Variants in CUL5 observed in about 807,000 individuals in gnomAD.
The protein encoded by CUL5 is cullin 5, also known as cullin-5.
In CUL5, 26 loss-of-function variants were observed where a neutral mutation model predicts 108.8. The ratio of observed to expected loss-of-function variants is 0.24; its 90% CI spans 0.18 to 0.33. The LOEUF is 0.33. CUL5 is among the 10% of genes least tolerant of loss of function. The probability of loss-of-function intolerance (pLI) is 1.00; values close to 1 mark genes in which losing one functional copy is unlikely to be tolerated. For missense variants in CUL5, 524 were observed against 909.2 expected, an observed-to-expected ratio of 0.58 and a Z score of 5.45; for synonymous variants, 334 against 298.0, an observed-to-expected ratio of 1.12 and a Z score of -1.25.
chr11:108,040,021 A>C (rs1862854430), intron 2 of CUL5, among the ~76,000 whole-genome samples: 1 of 152,226 alleles, frequency 6.6e-6, no homozygotes, highest in African/African-American at 2.4e-5. Flanking sequence ...AAGGAAATCA[A>C]AACCTCTGGA....
At chr11:108,076,853 A>G (rs1024838120) in intron 10 of CUL5, among the ~76,000 whole-genome samples, 1 of 152,246 alleles carries the variant, frequency 6.6e-6, no homozygotes, top group African/African-American at 2.4e-5. Context: ...TGTTCTGATC[A>G]ATTAGAAGGA....
chr11:108,081,708 C>T (rs1338311844), intron 11 of CUL5, among the ~76,000 whole-genome samples: 6 of 151,118 alleles, frequency 4.0e-5, no homozygotes, highest in African/African-American at 9.7e-5. Context: ...GCTGAGATGG[C>T]GCTACTGCAC....
At chr11:108,054,199 A>G (rs1007602755) in intron 5 of CUL5, among the ~76,000 whole-genome samples, 2 of 152,112 alleles carry the variant, frequency 1.3e-5, no homozygotes, top group Non-Finnish European at 2.9e-5. Flanking sequence ...CATCTTCACA[A>G]CCATTTGTAA....
intron 2 of CUL5, among the ~76,000 whole-genome samples, chr11:108,040,968 T>C (rs1862889733): frequency 6.6e-6 from 1 of 152,228 alleles, no homozygotes; most frequent in Non-Finnish European, 1.5e-5. Context: ...TGTTATCCTA[T>C]GAGACTCAAG....
At position 108,095,658 on chromosome 11, in the gene CUL5, A is replaced by G; in HGVS notation, c.1872A>G (p.Glu624=). ...TTGAAAATCTTAAGCTTGCAACTGA[A>G]CTCCCTGATGCTGAACTTAGGAGGA... ...ISFENLKLAT[E]LPDAELRRTL... is the part of the protein sequence containing the mutation. The change falls in exon 16 of 19, where the codon GAA becomes GAG. Residue 624 remains glutamate, a synonymous_variant. Coordinates refer to ENST00000393094, the MANE Select transcript of CUL5 (RefSeq NM_003478.6). 1 of 1,613,544 alleles carries G rather than the reference A, an allele frequency of 6.2e-7. No homozygotes were observed. Among genetic ancestry groups the G allele is most frequent in the Non-Finnish European group, 8.5e-7 (1 of 1,179,842 alleles).
At chr11:108,102,600 G>T (rs182508821) in intron 18 of CUL5, among the ~76,000 whole-genome samples, 3 of 151,614 alleles carry the variant, frequency 2.0e-5, no homozygotes, top group Non-Finnish European at 4.4e-5. Context: ...CAAATTGCTG[G>T]GATTGCAGGC....
At chr11:108,092,106 C>T (rs1864376937) in intron 13 of CUL5, among the ~76,000 whole-genome samples, 1 of 152,046 alleles carries the variant, frequency 6.6e-6, no homozygotes, top group African/African-American at 2.4e-5. Context: ...CACTGCACTG[C>T]AGCCTGGGCA....
rs76886532 is a variant in CUL5, at chr11:108,040,125, A to C, written c.135-6145A>C. 2.1e-3 allele frequency among the ~76,000 whole-genome samples: 323 copies of C among 151,850 alleles called. 8 individuals are homozygous for C. In the East Asian group the frequency reaches 0.048, roughly 23 times the overall value. ...TATTTCCTCCCTCTCCTATTTCCCA[A>C]CTCCTAGATTTTTCTAATAAAGTTT... On this transcript the variant is annotated intron_variant, in intron 2 of 18. Coordinates refer to ENST00000393094, the MANE Select transcript of CUL5 (RefSeq NM_003478.6).
At chr11:108,061,913 G>C (rs983946749) in intron 7 of CUL5, among the ~76,000 whole-genome samples, 2 of 152,046 alleles carry the variant, frequency 1.3e-5, no homozygotes, top group African/African-American at 4.8e-5. Context: ...GAGAGAGAGA[G>C]AGAATGTGCA....
At chr11:108,016,627 T>C (rs1862199479) in intron 1 of CUL5, among the ~76,000 whole-genome samples, 1 of 152,126 alleles carries the variant, frequency 6.6e-6, no homozygotes, top group Non-Finnish European at 1.5e-5. Flanking sequence ...CCTCCTGCCT[T>C]GGTTAGTAGG....
chr11:108,042,533 A>C (rs573267298), intron 2 of CUL5, among the ~76,000 whole-genome samples: 27 of 151,826 alleles, frequency 1.8e-4, no homozygotes, highest in Non-Finnish European at 3.2e-4. Context: ...ACAATTCTAT[A>C]TACTGTCGAT....
chr11:108,048,648 C>CT lies in CUL5; in HGVS notation c.235-1206dup, dbSNP rs200991204. 2.0e-3 allele frequency among the ~76,000 whole-genome samples: 230 copies of CT among 116,842 alleles called. 27 individuals are homozygous for CT. Among genetic ancestry groups the CT allele is most frequent in the African/African-American group, 8.1e-3 (210 of 25,830 alleles). The allele number at this position is 116,842 out of a possible 152,430, so 76.7% of individuals were successfully genotyped here. A position where few individuals can be genotyped will look rare whatever the true frequency, so the allele number is the denominator to read the frequency against. On this transcript the variant is annotated intron_variant, in intron 3 of 18. Coordinates refer to ENST00000393094, the MANE Select transcript of CUL5 (RefSeq NM_003478.6). The stretch of plus-strand genomic sequence containing the variant: ...ATAGTGGGGAAATAGACTCCACCAC[C>CT]TTTTTTTTTTTTTTTTTTTTTTTTT...
chr11:108,018,530 C>T (rs1565231439), intron 1 of CUL5, among the ~76,000 whole-genome samples: 1 of 151,826 alleles, frequency 6.6e-6, no homozygotes, highest in Non-Finnish European at 1.5e-5. Context: ...CAAAAATTAG[C>T]TGAGTGTGGT....
intron 11 of CUL5, among the ~76,000 whole-genome samples, chr11:108,081,172 C>T (rs2135206950): frequency 6.6e-6 from 1 of 151,970 alleles, no homozygotes; most frequent in African/African-American, 2.4e-5. Flanking sequence ...CCTGTGATCC[C>T]AGCTACTTGG....
Position 108,107,659 on chromosome 11 carries a change from G to A in CUL5, c.*3275G>A, listed in dbSNP as rs938503749. Reference sequence around the variant, plus strand: ...ACAATTTTAAGTGGTAGCAGTTTCTGTATGCAGTAGGCTGAAATATTTTGA... The same window carrying A: ...ACAATTTTAAGTGGTAGCAGTTTCTATATGCAGTAGGCTGAAATATTTTGA... On this transcript the variant is annotated 3_prime_UTR_variant, in exon 19 of 19. Transcript: ENST00000393094. The A allele has an allele frequency of 6.6e-6, 1 of 152,628 alleles. No individual in the cohort carries two copies. Among genetic ancestry groups the A allele is most frequent in the Non-Finnish European group, 1.5e-5 (1 of 68,030 alleles). The allele number at this position is 152,628 out of a possible 1,614,324, so 9.5% of individuals were successfully genotyped here. A position where few individuals can be genotyped will look rare whatever the true frequency, so the allele number is the denominator to read the frequency against.
intron 7 of CUL5, among the ~76,000 whole-genome samples, chr11:108,060,472 T>C (rs1863505320): frequency 6.6e-6 from 1 of 152,006 alleles, no homozygotes; most frequent in Admixed American, 6.6e-5. Context: ...CTAATGAAAA[T>C]CAGAAATGCT....
At chr11:108,093,795 C>G (rs1486230547) in intron 13 of CUL5, among the ~76,000 whole-genome samples, 1 of 152,190 alleles carries the variant, frequency 6.6e-6, no homozygotes. Context: ...CTCCTGGGCT[C>G]AAGCAATCCA....
chr11:108,057,884 TTTCTG>T (rs1280370504), intron 7 of CUL5, among the ~76,000 whole-genome samples: 1 of 152,168 alleles, frequency 6.6e-6, no homozygotes, highest in Admixed American at 6.5e-5. Flanking sequence ...TCTGCTAACT[TTTCTG>T]TAATCATTAA....
chr11:108,097,876 A>G, intron 17 of CUL5, 122 bp downstream of exon 17: 1 of 573,452 alleles, frequency 1.7e-6, no homozygotes, highest in Non-Finnish European at 3.1e-6. Context: ...ATCACTCTAA[A>G]CTTACATCAT....
Sources: gnomAD v4.1 joint callset for allele counts (sites outside exome capture counted in the v4.1 genomes callset) on GRCh38, gnomAD v4.1.1 for gene constraint, MANE v1.5 for transcripts, NCBI Gene and HGNC (gene_info 2026-07-23, HGNC 2026-07-21) for gene names.